METTL8: variants seen among roughly 807,000 people sequenced by gnomAD.
METTL8 encodes the protein tRNA N(3)-cytidine methyltransferase METTL8, mitochondrial.
Under a neutral mutation model 48.7 loss-of-function variants are expected in METTL8, and 32 were observed. The observed-to-expected ratio is 0.66, with a 90% CI of 0.50 to 0.88. METTL8 has a LOEUF of 0.88. Ranked by LOEUF, METTL8 falls within the 40% of genes least tolerant of loss-of-function variation. The probability of loss-of-function intolerance (pLI) is 0.00; values close to 1 mark genes in which losing one functional copy is unlikely to be tolerated. For synonymous variants in METTL8, 136 were observed against 157.1 expected, an observed-to-expected ratio of 0.87 and a Z score of 1.01; for missense variants, 464 against 474.4, an observed-to-expected ratio of 0.98 and a Z score of 0.20.
intron 2 of METTL8, among the ~76,000 whole-genome samples, chr2:171,361,207 AT>A (rs1685129918): frequency 6.6e-6 from 1 of 151,618 alleles, no homozygotes; most frequent in Non-Finnish European, 1.5e-5. Context: ...CGACAACTGT[AT>A]ACAAGAAAGG....
In METTL8 at chr2:171,432,638, C is replaced by T. The variant is rs112860953; in HGVS notation, c.-13+1245G>A. Among the ~76,000 whole-genome samples the T allele has an allele frequency of 3.3e-3, 507 of 152,212 alleles. 1 individual carries two copies. The highest frequency in any genetic ancestry group is 0.011 in the African/African-American group (463 of 41,520). On this transcript the variant is annotated intron_variant, in intron 1 of 9. Coordinates refer to ENST00000375258, the MANE Select transcript of METTL8 (RefSeq NM_001321154.2). ...TCTAAAAATATACAAAGCACTCTAC[C>T]GTATGCTGTAAATAAGTCATGAAAA...
chr2:171,375,920 TC>T (rs1686919948), intron 2 of METTL8, among the ~76,000 whole-genome samples: 1 of 152,204 alleles, frequency 6.6e-6, no homozygotes, highest in South Asian at 2.1e-4. Context: ...AGGTAAATTC[TC>T]CCTGACACCC....
intron 3 of METTL8, among the ~76,000 whole-genome samples, chr2:171,344,901 A>C (rs951615697): frequency 6.6e-6 from 1 of 152,140 alleles, no homozygotes; most frequent in Non-Finnish European, 1.5e-5. Flanking sequence ...TTAACAGGGG[A>C]ATTGGAGGAA....
At chr2:171,333,435 A>G (rs1413485316) in intron 5 of METTL8, among the ~76,000 whole-genome samples, 1 of 152,214 alleles carries the variant, frequency 6.6e-6, no homozygotes, top group African/African-American at 2.4e-5. Context: ...TTGATGAATA[A>G]CTATGATAAC....
intron 2 of METTL8, among the ~76,000 whole-genome samples, chr2:171,375,672 A>G (rs1686892243): frequency 6.6e-6 from 1 of 152,128 alleles, no homozygotes; most frequent in African/African-American, 2.4e-5. Flanking sequence ...TTATTATTGA[A>G]TTTTGGGAGT....
At chr2:171,431,470 T>C (rs1364961021) in intron 1 of METTL8, among the ~76,000 whole-genome samples, 2 of 152,320 alleles carry the variant, frequency 1.3e-5, no homozygotes, top group African/African-American at 2.4e-5. Flanking sequence ...ACACACCTAA[T>C]TCTTACTGAT....
intron 3 of METTL8, among the ~76,000 whole-genome samples, chr2:171,353,546 C>CG (rs1684191469): frequency 6.6e-6 from 1 of 152,204 alleles, no homozygotes; most frequent in Non-Finnish European, 1.5e-5. Context: ...TCTCATTGAT[C>CG]TGTCTAATGT....
At chr2:171,411,626 A>G (rs1690760487) in intron 1 of METTL8, among the ~76,000 whole-genome samples, 2 of 152,232 alleles carry the variant, frequency 1.3e-5, no homozygotes, top group South Asian at 4.1e-4. Context: ...CCGTTTGGAA[A>G]AAAAAGGTAC....
intron 1 of METTL8, among the ~76,000 whole-genome samples, chr2:171,408,626 A>C (rs931030991): frequency 6.6e-6 from 1 of 152,062 alleles, no homozygotes; most frequent in African/African-American, 2.4e-5. Context: ...CCTTAATAGC[A>C]GAAATATCCC....
At chr2:171,360,927 G>T (rs1685099599) in intron 2 of METTL8, among the ~76,000 whole-genome samples, 1 of 152,138 alleles carries the variant, frequency 6.6e-6, no homozygotes, top group African/African-American at 2.4e-5. Flanking sequence ...CTAACACTTT[G>T]CTGTCAAAGA....
At chr2:171,414,131 G>A (rs1691034855) in intron 1 of METTL8, among the ~76,000 whole-genome samples, 1 of 152,006 alleles carries the variant, frequency 6.6e-6, no homozygotes, top group Non-Finnish European at 1.5e-5. Context: ...TAAAAATGTT[G>A]CTAAAGCCAG....
At chr2:171,374,664 C>T (rs890814844) in intron 2 of METTL8, among the ~76,000 whole-genome samples, 3 of 140,536 alleles carry the variant, frequency 2.1e-5, no homozygotes, top group Non-Finnish European at 3.1e-5. Context: ...CTCCCCTTCT[C>T]CCCACTCACC....
chr2:171,336,396 CTTT>C (rs146097512), intron 5 of METTL8, among the ~76,000 whole-genome samples: 28,729 of 81,006 alleles, frequency 0.35, 4,527 homozygotes, highest in African/African-American at 0.46. Context: ...CGCCCGACTG[CTTT>C]TTTTTTTTTT....
At chr2:171,324,801 C>A (rs1158548422) in intron 9 of METTL8, among the ~76,000 whole-genome samples, 1 of 152,166 alleles carries the variant, frequency 6.6e-6, no homozygotes, top group African/African-American at 2.4e-5. Context: ...GTGGCTCACG[C>A]CTGTAATCCC....
intron 2 of METTL8, among the ~76,000 whole-genome samples, chr2:171,373,049 G>C (rs896588027): frequency 2.0e-5 from 3 of 152,188 alleles, no homozygotes; most frequent in Non-Finnish European, 2.9e-5. Flanking sequence ...GATCCTTGAG[G>C]AATCACCATA....
intron 3 of METTL8, among the ~76,000 whole-genome samples, chr2:171,356,950 A>ATTTTTTTTTTTGTTTTTTTTTTTT (rs1202277226): frequency 2.1e-4 from 1 of 4,746 alleles, no homozygotes; most frequent in African/African-American, 2.9e-4. Flanking sequence ...TTCAAAGACA[A>ATTTTTTTTTTTGTTTTTTTTTTTT]TATTTTTTTT....
chr2:171,347,292 C>T (rs1482983617), intron 3 of METTL8, among the ~76,000 whole-genome samples: 3 of 152,200 alleles, frequency 2.0e-5, no homozygotes, highest in Non-Finnish European at 4.4e-5. Flanking sequence ...TTTCCTGCTT[C>T]TACAGAGAGA....
At chr2:171,403,391 C>T (rs1689837878) in intron 1 of METTL8, among the ~76,000 whole-genome samples, 1 of 152,100 alleles carries the variant, frequency 6.6e-6, no homozygotes, top group Non-Finnish European at 1.5e-5. Context: ...AGTTGACAGA[C>T]ATTCTATAAA....
chr2:171,422,321 T>C lies in METTL8; in HGVS notation c.-13+11562A>G, dbSNP rs531941692. 5.9e-5 allele frequency among the ~76,000 whole-genome samples: 9 copies of C among 152,356 alleles called. No individual in the cohort carries two copies. The South Asian group carries it at 1.9e-3, about 32-fold the overall frequency. On this transcript the variant is annotated intron_variant, in intron 1 of 9. Transcript: ENST00000375258. ...TAATAATGAAAGGATCTCTAATTTATACCATACTCTCAAATCAATTTCATC... is the reference window on the plus strand; with the variant it reads ...TAATAATGAAAGGATCTCTAATTTACACCATACTCTCAAATCAATTTCATC...
Sources: allele counts gnomAD v4.1 joint callset (sites outside exome capture counted in the v4.1 genomes callset), GRCh38; gene constraint gnomAD v4.1.1; transcripts MANE v1.5; gene names NCBI Gene and HGNC (gene_info 2026-07-23, HGNC 2026-07-21).